Variants in RBM6 observed in about 807,000 individuals in gnomAD.
RBM6 encodes RNA-binding protein 6.
A neutral mutation model predicts 140.4 loss-of-function variants in RBM6; 23 were observed. The observed-to-expected ratio is 0.16, with a 90% CI of 0.12 to 0.23. RBM6 has a LOEUF of 0.23. RBM6 is among the 10% of genes least tolerant of loss of function. The pLI is 1.00. For missense variants in RBM6, 1,139 were observed against 1,386.7 expected (o/e 0.82, Z 2.84); for synonymous variants, 439 against 475.6 (o/e 0.92, Z 1.00).
intron 5 of RBM6, among the ~76,000 whole-genome samples, chr3:49,977,259 T>C (rs761993207): frequency 5.3e-5 from 8 of 152,238 alleles, no homozygotes; most frequent in Non-Finnish European, 7.3e-5. Context: ...TACAAACTTC[T>C]TTCTGTGTCA....
intron 6 of RBM6, among the ~76,000 whole-genome samples, chr3:50,025,121 T>C (rs999761424): frequency 2.6e-5 from 4 of 151,564 alleles, no homozygotes; most frequent in Non-Finnish European, 1.5e-5. Flanking sequence ...CAAATGATGT[T>C]TTTTCAAAGT....
chr3:49,958,586 CAAAA>C (rs113461528), intron 1 of RBM6, among the ~76,000 whole-genome samples: 14 of 145,380 alleles, frequency 9.6e-5, no homozygotes, highest in Admixed American at 9.6e-4. Context: ...AAACAAAAAA[CAAAA>C]AACCACAAAA....
chr3:50,051,719 G>A (rs1004952298), intron 7 of RBM6, among the ~76,000 whole-genome samples: 9 of 152,098 alleles, frequency 5.9e-5, no homozygotes, highest in Non-Finnish European at 7.3e-5. Context: ...TGCTAATGGC[G>A]GTATTATTCA....
At chr3:49,980,938 T>C (rs772182110) in intron 5 of RBM6, among the ~76,000 whole-genome samples, 3 of 151,926 alleles carry the variant, frequency 2.0e-5, no homozygotes, top group African/African-American at 4.8e-5. Context: ...AGTCTTGCAC[T>C]GTCACCAGTG....
At chr3:49,971,976 T>C in intron 3 of RBM6, 83 bp from the exon 4 acceptor site, 1 of 1,013,408 alleles carries the variant, frequency 9.9e-7, no homozygotes, top group Admixed American at 2.0e-5. Context: ...TCATTTTTGA[T>C]CCTGAGTGGC....
chr3:49,964,706 C>T (rs775327353), intron 2 of RBM6, among the ~76,000 whole-genome samples: 1 of 152,172 alleles, frequency 6.6e-6, no homozygotes, highest in Non-Finnish European at 1.5e-5. Flanking sequence ...TGTAATCTAT[C>T]CTCTTATTAC....
chr3:49,955,983 A>G (rs1012957319), intron 1 of RBM6, among the ~76,000 whole-genome samples: 1 of 148,860 alleles, frequency 6.7e-6, no homozygotes, highest in Admixed American at 6.8e-5. Flanking sequence ...TTTTGCTACT[A>G]CTTTTATGTT....
At chr3:50,017,324 G>A (rs1385119260) in intron 6 of RBM6, among the ~76,000 whole-genome samples, 1 of 152,076 alleles carries the variant, frequency 6.6e-6, no homozygotes, top group Admixed American at 6.5e-5. Context: ...TTGGGAGGCC[G>A]AGGCGGGTGG....
intron 6 of RBM6, among the ~76,000 whole-genome samples, chr3:50,040,048 G>A (rs2088790154): frequency 6.6e-6 from 1 of 152,000 alleles, no homozygotes; most frequent in Non-Finnish European, 1.5e-5. Context: ...CATGATAGGA[G>A]GCATTTTCTA....
At chr3:49,987,165 C>T (rs1210108301) in intron 5 of RBM6, among the ~76,000 whole-genome samples, 1 of 151,704 alleles carries the variant, frequency 6.6e-6, no homozygotes, top group Non-Finnish European at 1.5e-5. Flanking sequence ...CTCTGCTTCT[C>T]GGGTTCAAGC....
intron 7 of RBM6, among the ~76,000 whole-genome samples, chr3:50,050,375 GCAGTATTTATCAGTACCT>G (rs1383554464): frequency 1.3e-5 from 2 of 152,130 alleles, no homozygotes; most frequent in Non-Finnish European, 2.9e-5. Flanking sequence ...CATGTATGTT[GCAGTATTTATCAGTACCT>G]CATTTCTTTT....
intron 4 of RBM6, among the ~76,000 whole-genome samples, chr3:49,974,983 G>A (rs1258635688): frequency 6.6e-5 from 10 of 151,576 alleles, no homozygotes; most frequent in African/African-American, 2.4e-5. Context: ...CACCACGCCC[G>A]GTCTCTCCTG....
At chr3:49,981,343 G>A (rs1575603592) in intron 5 of RBM6, among the ~76,000 whole-genome samples, 1 of 152,102 alleles carries the variant, frequency 6.6e-6, no homozygotes, top group Non-Finnish European at 1.5e-5. Flanking sequence ...GAACTTGTTG[G>A]AATCCAAATT....
intron 3 of RBM6, among the ~76,000 whole-genome samples, chr3:49,971,559 C>T (rs1171176894): frequency 1.1e-4 from 15 of 140,210 alleles, no homozygotes; most frequent in Admixed American, 3.9e-4. Flanking sequence ...TTTTTTGAGA[C>T]GGGGGTCTCG....
intron 6 of RBM6, among the ~76,000 whole-genome samples, chr3:50,015,005 C>T (rs534757134): frequency 6.6e-5 from 9 of 137,112 alleles, no homozygotes; most frequent in East Asian, 2.1e-4. Context: ...GCCGAGATCA[C>T]GCCACTGTAC....
At chr3:49,959,577 T>TG (rs1379325514) in intron 1 of RBM6, among the ~76,000 whole-genome samples, 2 of 148,214 alleles carry the variant, frequency 1.3e-5, no homozygotes, top group African/African-American at 5.0e-5. Flanking sequence ...TAGGGTTTTT[T>TG]TTTTTTTTTT....
chr3:50,023,655 A>AT (rs35083306), intron 6 of RBM6, among the ~76,000 whole-genome samples: 65,281 of 115,082 alleles, frequency 0.57, 19,708 homozygotes, highest in East Asian at 0.85. Context: ...ATGTTTGGTG[A>AT]TTTTTTTTTT....
chr3:50,071,417 C>G (rs1383115250), intron 19 of RBM6, among the ~76,000 whole-genome samples: 1 of 152,172 alleles, frequency 6.6e-6, no homozygotes, highest in Non-Finnish European at 1.5e-5. Flanking sequence ...GGAGAGATTA[C>G]TAATCATGTG....
At position 49,968,645 on chromosome 3, in the gene RBM6, G is replaced by A. The variant is rs759899005; in HGVS notation, c.1220G>A (p.Arg407His). Residue 407 changes from arginine to histidine, a missense_variant, in exon 3 of 21, where the codon CGT becomes CAT. Around this residue, in one of 9 missense-constraint regions of RBM6, gnomAD observed 566 missense variants for 612.7 expected, o/e 0.92. Coordinates refer to ENST00000266022, the MANE Select transcript of RBM6 (RefSeq NM_005777.3). ...QDTDYRSMEYRDVDHRLPGSQ... is the reference protein window; with the variant it reads ...QDTDYRSMEYHDVDHRLPGSQ... ...ACCGATTACAGAAGCATGGAGTACC[G>A]TGATGTGGATCATAGGCTGCCAGGA... 12 of 1,614,178 alleles carry A rather than the reference G, an allele frequency of 7.4e-6. No homozygotes were observed. The highest frequency in any genetic ancestry group is 4.5e-5 in the East Asian group (2 of 44,886).
Sources: allele counts gnomAD v4.1 joint callset (sites outside exome capture counted in the v4.1 genomes callset), GRCh38; gene constraint gnomAD v4.1.1; regional missense constraint gnomAD v4.1.1; transcripts MANE v1.5; gene names NCBI Gene and HGNC (gene_info 2026-07-23, HGNC 2026-07-21).